The following PARD3 variants were observed in gnomAD, a reference collection of about 807,000 sequenced individuals.
PARD3 encodes the protein par-3 family cell polarity regulator, also known as partitioning defective 3 homolog.
Under a neutral mutation model 155.4 loss-of-function variants are expected in PARD3, and 75 were observed. That is an observed-to-expected ratio of 0.48 (90% CI 0.40 to 0.58). The LOEUF (loss-of-function observed/expected upper bound fraction) is 0.58. Ranked by LOEUF, PARD3 falls within the 20% of genes least tolerant of loss-of-function variation. The pLI is 0.00. For missense variants in PARD3, 1,642 were observed against 1,721.7 expected (o/e 0.95, Z 0.82); for synonymous variants, 576 against 610.5 (o/e 0.94, Z 0.83).
intron 24 of PARD3, among the ~76,000 whole-genome samples, chr10:34,115,847 G>T (rs1442273788): frequency 6.6e-6 from 1 of 151,658 alleles, no homozygotes; most frequent in African/African-American, 2.4e-5. Flanking sequence ...CGAGTAGCTG[G>T]GACTACACGC....
At chr10:34,368,020 T>C (rs1040717088) in intron 12 of PARD3, among the ~76,000 whole-genome samples, 2 of 151,718 alleles carry the variant, frequency 1.3e-5, no homozygotes, top group African/African-American at 4.8e-5. Flanking sequence ...TGGAAGGCCA[T>C]GGTGGGTGGA....
chr10:34,800,440 T>G (rs1255327298), intron 1 of PARD3, among the ~76,000 whole-genome samples: 1 of 151,460 alleles, frequency 6.6e-6, no homozygotes, highest in East Asian at 2.0e-4. Flanking sequence ...TGAAACCCCA[T>G]CTCTACTAAA....
At chr10:34,153,068 A>G (rs762391150) in intron 22 of PARD3, among the ~76,000 whole-genome samples, 2 of 152,230 alleles carry the variant, frequency 1.3e-5, no homozygotes, top group African/African-American at 2.4e-5. Context: ...CTAACATTCA[A>G]CTGCTAAAGT....
At chr10:34,456,144 G>A (rs895964301) in intron 4 of PARD3, among the ~76,000 whole-genome samples, 3 of 152,092 alleles carry the variant, frequency 2.0e-5, no homozygotes, top group Admixed American at 6.6e-5. Flanking sequence ...CAACCACATC[G>A]GGATCATTAG....
At chr10:34,142,683 GCAT>G (rs1948256800) in intron 22 of PARD3, among the ~76,000 whole-genome samples, 1 of 152,080 alleles carries the variant, frequency 6.6e-6, no homozygotes, top group South Asian at 2.1e-4. Context: ...AGGCAGGCAG[GCAT>G]CATTTTTCTT....
chr10:34,759,576 G>C (rs1837180486), intron 1 of PARD3, among the ~76,000 whole-genome samples: 1 of 152,204 alleles, frequency 6.6e-6, no homozygotes, highest in Admixed American at 6.5e-5. Context: ...TTTTAAGCAA[G>C]TAAAAGAGAG....
chr10:34,257,587 G>A (rs1049396022), intron 22 of PARD3, among the ~76,000 whole-genome samples: 36 of 152,330 alleles, frequency 2.4e-4, no homozygotes, highest in Middle Eastern at 6.8e-3. Flanking sequence ...TGAAGGGAAA[G>A]ACATTAAAAC....
intron 1 of PARD3, among the ~76,000 whole-genome samples, chr10:34,786,880 G>T (rs192394202): frequency 6.6e-6 from 1 of 152,134 alleles, no homozygotes; most frequent in Non-Finnish European, 1.5e-5. Flanking sequence ...AGTTCAAAGA[G>T]ATCATTATTT....
chr10:34,702,096 C>G (rs2094290406), intron 1 of PARD3, among the ~76,000 whole-genome samples: 1 of 151,764 alleles, frequency 6.6e-6, no homozygotes, highest in Non-Finnish European at 1.5e-5. Flanking sequence ...ACCCGGGAGG[C>G]AGAGGTTGCA....
chr10:34,380,543 G>T lies in PARD3; in HGVS notation c.1399+1997C>A, dbSNP rs534394290. Reference sequence around the variant, plus strand: ...CAGACTTACTATAACATAAAAATTAGATATACTCATTATTTTCCTTTTTTT... The same window carrying T: ...CAGACTTACTATAACATAAAAATTATATATACTCATTATTTTCCTTTTTTT... On this transcript the variant is annotated intron_variant, in intron 9 of 24. Transcript: ENST00000374788. Among the ~76,000 whole-genome samples the T allele has an allele frequency of 6.6e-5, 10 of 152,084 alleles. No homozygotes were observed. In the South Asian group the frequency reaches 2.1e-3, roughly 32 times the overall value.
chr10:34,473,872 C>T (rs1247650224), intron 3 of PARD3, among the ~76,000 whole-genome samples: 1 of 152,236 alleles, frequency 6.6e-6, no homozygotes, highest in Non-Finnish European at 1.5e-5. Context: ...TGGGCTGCTA[C>T]TCTCTGCCCA....
intron 1 of PARD3, among the ~76,000 whole-genome samples, chr10:34,748,582 A>G (rs1835597685): frequency 6.6e-6 from 1 of 152,058 alleles, no homozygotes; most frequent in Admixed American, 6.5e-5. Flanking sequence ...CACCTCAGAC[A>G]GAACAGACTT....
In PARD3 at chr10:34,402,890, C is replaced by T. The variant is rs181687872; in HGVS notation, c.715-973G>A. 7.9e-5 allele frequency among the ~76,000 whole-genome samples: 12 copies of T among 152,254 alleles called. No individual in the cohort carries two copies. In the East Asian group the frequency reaches 1.2e-3, roughly 15 times the overall value. ...AAGAATCTACCTTCATTTATAATCT[C>T]GGCCACTGTCTTTTCATTAAAGAGT... is the stretch of plus-strand genomic sequence containing the variant. On this transcript the variant is annotated intron_variant, in intron 5 of 24. Coordinates refer to ENST00000374788, the MANE Select transcript of PARD3 (RefSeq NM_001184785.2).
At chr10:34,329,465 C>T (rs1037021788) in intron 19 of PARD3, among the ~76,000 whole-genome samples, 1 of 152,058 alleles carries the variant, frequency 6.6e-6, no homozygotes, top group African/African-American at 2.4e-5. Flanking sequence ...GGCAAGGAAC[C>T]ATTATTACAA....
intron 3 of PARD3, among the ~76,000 whole-genome samples, chr10:34,478,106 C>A (rs1475109234): frequency 5.9e-5 from 9 of 152,122 alleles, no homozygotes; most frequent in Non-Finnish European, 1.3e-4. Context: ...TGAAAAGCAA[C>A]AAATGACTCA....
intron 22 of PARD3, among the ~76,000 whole-genome samples, chr10:34,185,226 C>T (rs1778882): frequency 0.6 from 90,819 of 152,024 alleles, 28,265 homozygotes; most frequent in African/African-American, 0.77. Context: ...GTTATTTGCA[C>T]TTCAAACCTG....
intron 2 of PARD3, among the ~76,000 whole-genome samples, chr10:34,561,720 G>T (rs550359799): frequency 6.6e-6 from 1 of 151,724 alleles, no homozygotes; most frequent in South Asian, 2.1e-4. Context: ...GTTTCTCCAC[G>T]TTGGTCAGGC....
At chr10:34,689,143 CTTGTTCTT>C (rs2094003297) in intron 2 of PARD3, among the ~76,000 whole-genome samples, 1 of 152,164 alleles carries the variant, frequency 6.6e-6, no homozygotes, top group Non-Finnish European at 1.5e-5. Flanking sequence ...AGGTATAATG[CTTGTTCTT>C]TTTTCCTTAA....
Position 34,607,139 on chromosome 10 carries a change from T to C in PARD3, c.222+89179A>G, listed in dbSNP as rs187991843. On this transcript the variant is annotated intron_variant, in intron 2 of 24. Transcript: ENST00000374788. ...AAGTTCCTGGAAAACTAGTACCAAG[T>C]TTTCTTCACCTTACAGATTTCGAAA... is the stretch of plus-strand genomic sequence containing the variant. Among the ~76,000 whole-genome samples the C allele has an allele frequency of 3.3e-5, 5 of 152,224 alleles. No homozygotes were observed. The East Asian group carries it at 5.8e-4, about 18-fold the overall frequency.
Sources: gnomAD v4.1 joint callset for allele counts (sites outside exome capture counted in the v4.1 genomes callset) on GRCh38, gnomAD v4.1.1 for gene constraint, MANE v1.5 for transcripts, NCBI Gene and HGNC (gene_info 2026-07-23, HGNC 2026-07-21) for gene names.